Variants in NMT1 observed in about 807,000 individuals in gnomAD.
The protein encoded by NMT1 is N-myristoyltransferase 1, also known as glycylpeptide N-tetradecanoyltransferase 1.
NMT1 carries 12 observed loss-of-function variants against 63.4 expected under a neutral mutation model. The ratio of observed to expected loss-of-function variants is 0.19; its 90% CI spans 0.12 to 0.31. The LOEUF (loss-of-function observed/expected upper bound fraction) is 0.31, where lower values mean the gene tolerates loss of function less well. NMT1 is among the 10% of genes least tolerant of loss of function. The pLI, the probability that NMT1 is intolerant of heterozygous loss-of-function variation, is 1.00. For synonymous variants in NMT1, 228 were observed against 234.3 expected, an observed-to-expected ratio of 0.97 and a Z score of 0.25; for missense variants, 432 against 634.6, an observed-to-expected ratio of 0.68 and a Z score of 3.43.
rs1384488495 is a variant in NMT1 at position 45,105,235 on chromosome 17, A to G, written c.1470+239A>G. Among the ~76,000 whole-genome samples, 3 of 152,112 alleles carry G rather than the reference A, an allele frequency of 2.0e-5. No individual in the cohort carries two copies. Among genetic ancestry groups the G allele is most frequent in the Non-Finnish European group, 4.4e-5 (3 of 68,020 alleles). Reference sequence around the variant, plus strand: ...CACAGTAGCACGAAGATCATCTCCAATGAGGCCTTCCCACGTGAGGGAACC... The same window carrying G: ...CACAGTAGCACGAAGATCATCTCCAGTGAGGCCTTCCCACGTGAGGGAACC... On this transcript the variant is annotated intron_variant, in intron 11 of 11. Coordinates refer to ENST00000258960, the MANE Select transcript of NMT1 (RefSeq NM_021079.5). The surrounding 1 kb of genome is among the most constrained non-coding windows in gnomAD (Gnocchi z 4.2).
At chr17:45,079,538 CTG>C (rs1330998074) in intron 1 of NMT1, among the ~76,000 whole-genome samples, 8 of 152,184 alleles carry the variant, frequency 5.3e-5, no homozygotes, top group Admixed American at 4.6e-4. Flanking sequence ...AGGGAGACCC[CTG>C]TCTCTATTTT....
At chr17:45,101,506 C>G (rs2054165461) in intron 8 of NMT1, among the ~76,000 whole-genome samples, 1 of 149,158 alleles carries the variant, frequency 6.7e-6, no homozygotes, top group Non-Finnish European at 1.5e-5. Context: ...GTAATCCCAG[C>G]TACTTGGGAA....
intron 3 of NMT1, 37 bp from the exon 4 acceptor site, chr17:45,093,648 G>T: frequency 1.9e-6 from 3 of 1,586,808 alleles, no homozygotes; most frequent in Non-Finnish European, 2.6e-6. Flanking sequence ...CCCCGAGGGG[G>T]CAAAGGGTGA....
chr17:45,105,016 A>G lies in NMT1; in HGVS notation c.1470+20A>G. The G allele has an allele frequency of 6.2e-7, 1 of 1,613,936 alleles. No individual in the cohort carries two copies. The highest frequency in any genetic ancestry group is 8.5e-7 in the Non-Finnish European group (1 of 1,179,932). On this transcript the variant is annotated intron_variant, in intron 11 of 11. Coordinates refer to ENST00000258960, the MANE Select transcript of NMT1 (RefSeq NM_021079.5). This position sits in a 1 kb window ranked among gnomAD's most constrained non-coding sequence, Gnocchi z 4.2. ...GAGAAGGTAGGCGACACATAGCCAG[A>G]GTCCAGGCTGCCCGGCCCAGGGTGT...
At chr17:45,080,288 G>C (rs4528619) in intron 1 of NMT1, among the ~76,000 whole-genome samples, 25,736 of 151,494 alleles carry the variant, frequency 0.17, 2,573 homozygotes, top group Non-Finnish European at 0.23. Flanking sequence ...AGCCTCCCGA[G>C]TAGCTGGGAT....
chr17:45,092,581 A>G (rs2143502778), intron 3 of NMT1, among the ~76,000 whole-genome samples: 1 of 151,354 alleles, frequency 6.6e-6, no homozygotes, highest in Middle Eastern at 3.5e-3. Context: ...GTGGTGGCGG[A>G]CACCTGTAAT....
intron 1 of NMT1, among the ~76,000 whole-genome samples, chr17:45,075,147 C>G (rs964494736): frequency 2.6e-5 from 4 of 152,162 alleles, no homozygotes; most frequent in African/African-American, 9.7e-5. Context: ...ATGATCGTGC[C>G]ACTGCACTCC....
At chr17:45,092,174 C>T (rs536857089) in intron 3 of NMT1, among the ~76,000 whole-genome samples, 2 of 152,278 alleles carry the variant, frequency 1.3e-5, no homozygotes, top group Admixed American at 6.5e-5. Context: ...GATAATGACT[C>T]ATTTATTTAC....
chr17:45,102,902 T>C, intron 8 of NMT1, 49 bp from the exon 9 acceptor site: 1 of 1,549,486 alleles, frequency 6.5e-7, no homozygotes, highest in Non-Finnish European at 8.8e-7. Flanking sequence ...CATGGATAGA[T>C]CCAGGGTGAT....
intron 3 of NMT1, among the ~76,000 whole-genome samples, chr17:45,092,636 G>A (rs563445715): frequency 6.6e-6 from 1 of 151,532 alleles, no homozygotes; most frequent in South Asian, 2.1e-4. Flanking sequence ...CTTGAACCAG[G>A]GAGGTGAAGG....
intron 1 of NMT1, chr17:45,062,044 G>A (rs1166795116): frequency 6.6e-6 from 1 of 152,232 alleles, no homozygotes; most frequent in Non-Finnish European, 1.5e-5. Context: ...TAATCCATAA[G>A]TATCCTGAAC....
At chr17:45,092,707 CAA>C (rs11355949) in intron 3 of NMT1, among the ~76,000 whole-genome samples, 118 of 115,740 alleles carry the variant, frequency 1.0e-3, no homozygotes, top group Non-Finnish European at 1.1e-3. Context: ...GAGACTGTCT[CAA>C]AAAAAAAAAA....
intron 4 of NMT1, among the ~76,000 whole-genome samples, chr17:45,095,110 CTT>C (rs36075240): frequency 0.53 from 74,896 of 141,666 alleles, 19,809 homozygotes; most frequent in Non-Finnish European, 0.58. Flanking sequence ...TGCGCCCAGT[CTT>C]TTTTTTTTTT....
rs540014851 is a variant in NMT1 at position 45,087,631 on chromosome 17, G to C, written c.385+979G>C. Among the ~76,000 whole-genome samples the C allele has an allele frequency of 1.5e-4, 23 of 152,216 alleles. 1 individual carries two copies. The South Asian group carries it at 4.4e-3, about 29-fold the overall frequency. On this transcript the variant is annotated intron_variant, in intron 3 of 11. Coordinates refer to ENST00000258960, the MANE Select transcript of NMT1 (RefSeq NM_021079.5). Reference sequence around the variant, plus strand: ...TTGTAACATGATTCTGGACCCATTGGTGGCCTAGTTCCTGTTTTCTTTGTG... The same window carrying C: ...TTGTAACATGATTCTGGACCCATTGCTGGCCTAGTTCCTGTTTTCTTTGTG...
chr17:45,071,877 G>C (rs190160477), intron 1 of NMT1, among the ~76,000 whole-genome samples: 61 of 152,252 alleles, frequency 4.0e-4, no homozygotes, highest in African/African-American at 1.4e-3. Context: ...GGGACTACAA[G>C]TTCACACCAC....
intron 3 of NMT1, 151 bp from the exon 4 acceptor site, chr17:45,093,534 A>C (rs1258229985): frequency 4.9e-6 from 3 of 613,356 alleles, no homozygotes; most frequent in Non-Finnish European, 8.6e-6. Context: ...GGGTAGCTGG[A>C]AAGACGGTTT....
At chr17:45,062,950 C>G (rs186864038) in intron 1 of NMT1, among the ~76,000 whole-genome samples, 4 of 152,128 alleles carry the variant, frequency 2.6e-5, no homozygotes, top group African/African-American at 9.6e-5. Context: ...CATGGTGGCT[C>G]ATGCCTGTAA....
chr17:45,098,780 G>A (rs1237212186), intron 7 of NMT1: 6 of 493,854 alleles, frequency 1.2e-5, no homozygotes, highest in African/African-American at 1.9e-5. Flanking sequence ...GGCTCTTGGT[G>A]TCTGCTGGCT....
intron 1 of NMT1, among the ~76,000 whole-genome samples, chr17:45,071,058 A>C (rs1359651636): frequency 6.6e-6 from 1 of 152,136 alleles, no homozygotes; most frequent in Non-Finnish European, 1.5e-5. Flanking sequence ...TTGCCATTTC[A>C]TTCACCTCTC....
Sources: allele counts gnomAD v4.1 joint callset (sites outside exome capture counted in the v4.1 genomes callset), GRCh38; gene constraint gnomAD v4.1.1; non-coding constraint Gnocchi (gnomAD v3.1); transcripts MANE v1.5; gene names NCBI Gene and HGNC (gene_info 2026-07-23, HGNC 2026-07-21).